AFF3: variants seen among roughly 807,000 people sequenced by gnomAD.
AFF3 encodes the protein AF4/FMR2 family member 3.
AFF3 carries 32 observed loss-of-function variants against 129.7 expected under a neutral mutation model. That is an observed-to-expected ratio of 0.25 (90% CI 0.19 to 0.33). The LOEUF (loss-of-function observed/expected upper bound fraction) is 0.33. AFF3 is among the 10% of genes least tolerant of loss of function. The pLI is 1.00. For missense variants in AFF3, 1,373 were observed against 1,592.0 expected, an observed-to-expected ratio of 0.86 and a Z score of 2.34; for synonymous variants, 644 against 635.4, an observed-to-expected ratio of 1.01 and a Z score of -0.20.
At chr2:99,916,777 G>A (rs559634679) in intron 7 of AFF3, among the ~76,000 whole-genome samples, 1 of 152,030 alleles carries the variant, frequency 6.6e-6, no homozygotes, top group East Asian at 1.9e-4. Context: ...CAGATGCAGC[G>A]GCCTCCCTAG....
intron 7 of AFF3, among the ~76,000 whole-genome samples, chr2:99,865,101 G>A (rs1302524049): frequency 1.3e-5 from 2 of 152,224 alleles, no homozygotes; most frequent in Non-Finnish European, 2.9e-5. Context: ...AGAACATGTG[G>A]TGGTTGGATG....
intron 4 of AFF3, among the ~76,000 whole-genome samples, chr2:100,044,750 T>C (rs1197696163): frequency 2.0e-5 from 3 of 152,082 alleles, no homozygotes; most frequent in African/African-American, 4.8e-5. Flanking sequence ...AATAGGTTTA[T>C]AGTCCTTAAA....
chr2:100,125,414 A>G (rs1205974085), intron 2 of AFF3, among the ~76,000 whole-genome samples: 1 of 152,208 alleles, frequency 6.6e-6, no homozygotes, highest in East Asian at 1.9e-4. Flanking sequence ...TAGAGAATGG[A>G]AAAATGGAAA....
intron 4 of AFF3, among the ~76,000 whole-genome samples, chr2:100,075,757 G>A (rs1331217382): frequency 6.6e-6 from 1 of 152,142 alleles, no homozygotes; most frequent in Non-Finnish European, 1.5e-5. Context: ...ATCTGATGAT[G>A]TCTCAAGTGA....
chr2:100,054,503 C>G (rs1322390322), intron 4 of AFF3, among the ~76,000 whole-genome samples: 1 of 152,134 alleles, frequency 6.6e-6, no homozygotes, highest in East Asian at 1.9e-4. Context: ...ATCAGTTTTT[C>G]CCTGCCTTTG....
chr2:99,892,558 G>C, intron 7 of AFF3, among the ~76,000 whole-genome samples: 1 of 152,096 alleles, frequency 6.6e-6, no homozygotes, highest in East Asian at 1.9e-4. Flanking sequence ...GATGGGGTGG[G>C]GCCTCTGAAA....
Position 99,707,951 on chromosome 2 carries a change from GT to G in AFF3, c.1091+19125del, listed in dbSNP as rs1677557952. On this transcript the variant is annotated intron_variant, in intron 11 of 24. Coordinates refer to ENST00000672756, the MANE Select transcript of AFF3 (RefSeq NM_001386135.1). ...AATTGAATTAAGAATTTAAAGTCCG[GT>G]TGGTGGACTGGACTACAGTCTCTAT... Among the ~76,000 whole-genome samples the G allele has an allele frequency of 2.0e-5, 3 of 152,088 alleles. No individual in the cohort carries two copies. The East Asian group carries it at 5.8e-4, about 29-fold the overall frequency.
intron 10 of AFF3, among the ~76,000 whole-genome samples, chr2:99,739,518 C>A (rs1680536565): frequency 6.6e-6 from 1 of 152,124 alleles, no homozygotes; most frequent in Non-Finnish European, 1.5e-5. Context: ...AAAATGTAGA[C>A]ATAAATCATC....
chr2:99,709,508 G>C (rs532636621), intron 11 of AFF3, among the ~76,000 whole-genome samples: 3 of 152,220 alleles, frequency 2.0e-5, no homozygotes, highest in Non-Finnish European at 4.4e-5. Flanking sequence ...TCTCCACTTT[G>C]ATAACTGGGT....
At chr2:99,737,419 T>C (rs1680347416) in intron 10 of AFF3, among the ~76,000 whole-genome samples, 1 of 144,284 alleles carries the variant, frequency 6.9e-6, no homozygotes, top group South Asian at 2.4e-4. Flanking sequence ...CCAGCTTTTG[T>C]CTGAAAATGT....
At chr2:100,002,606 T>C (rs1031377544) in intron 7 of AFF3, among the ~76,000 whole-genome samples, 17 of 152,184 alleles carry the variant, frequency 1.1e-4, no homozygotes, top group Admixed American at 1.3e-4. Flanking sequence ...AGTCTATTGA[T>C]TGATATCCAA....
intron 4 of AFF3, among the ~76,000 whole-genome samples, chr2:100,091,165 T>G (rs1352824720): frequency 6.1e-4 from 92 of 151,972 alleles, no homozygotes; most frequent in Admixed American, 3.3e-4. Context: ...CAAGTTACCT[T>G]GTGCCTTTGT....
intron 7 of AFF3, among the ~76,000 whole-genome samples, chr2:99,906,245 T>C (rs985452270): frequency 6.6e-6 from 1 of 152,236 alleles, no homozygotes; most frequent in African/African-American, 2.4e-5. Context: ...AACAGCCCCA[T>C]GAAGCCAGCA....
chr2:100,057,178 A>G (rs1303504564), intron 4 of AFF3, among the ~76,000 whole-genome samples: 1 of 152,010 alleles, frequency 6.6e-6, no homozygotes, highest in Non-Finnish European at 1.5e-5. Context: ...AAAATTAGCC[A>G]GGCATGGTGG....
chr2:99,706,053 G>C (rs768580651), intron 11 of AFF3, among the ~76,000 whole-genome samples: 7 of 152,064 alleles, frequency 4.6e-5, no homozygotes, highest in Non-Finnish European at 7.4e-5. Flanking sequence ...CCCTGGTAGA[G>C]GGGGCCCAGG....
rs1575456029 is a variant in AFF3 at position 99,594,030 on chromosome 2, C to T, written c.1631G>A (p.Gly544Asp). 5 of 1,604,742 alleles carry T rather than the reference C, an allele frequency of 3.1e-6. No individual in the cohort carries two copies. The highest frequency in any genetic ancestry group is 1.3e-5 in the African/African-American group (1 of 74,722). The change falls in exon 15 of 25, where the codon GGC becomes GAC. Residue 544 changes from glycine to aspartate, a missense_variant. Gly to Asp is a moderately conservative substitution (Grantham distance 94). Transcript: ENST00000672756. Reference sequence around the variant, plus strand: ...CGCGGGCGGGGACTTCTGCTTCACGCCTTTACTCCCAGGGGCCTTGTTGGC... The same window carrying T: ...CGCGGGCGGGGACTTCTGCTTCACGTCTTTACTCCCAGGGGCCTTGTTGGC... ...RTANKAPGSK[G>D]VKQKSPPAAV...
chr2:99,726,506 C>T (rs1032604447), intron 11 of AFF3, among the ~76,000 whole-genome samples: 1 of 152,124 alleles, frequency 6.6e-6, no homozygotes, highest in African/African-American at 2.4e-5. Context: ...TCAAATTAAT[C>T]AGTAAAAATA....
At chr2:99,977,434 G>A (rs896570860) in intron 7 of AFF3, among the ~76,000 whole-genome samples, 13 of 152,142 alleles carry the variant, frequency 8.5e-5, no homozygotes, top group African/African-American at 1.2e-4. Context: ...CCAATCCCTC[G>A]GAGAGCCTAA....
intron 7 of AFF3, among the ~76,000 whole-genome samples, chr2:99,895,960 T>C (rs1408138634): frequency 1.3e-5 from 2 of 150,552 alleles, no homozygotes; most frequent in Admixed American, 6.7e-5. Flanking sequence ...TCCCAGCTAC[T>C]TGGGAGGCTA....
Sources: gnomAD v4.1 joint callset for allele counts (sites outside exome capture counted in the v4.1 genomes callset) on GRCh38, gnomAD v4.1.1 for gene constraint, MANE v1.5 for transcripts, NCBI Gene and HGNC (gene_info 2026-07-23, HGNC 2026-07-21) for gene names.